FSHR: variants seen among roughly 807,000 people sequenced by gnomAD.
FSHR encodes follicle-stimulating hormone receptor.
A neutral mutation model predicts 52.1 loss-of-function variants in FSHR; 46 were observed. The ratio of observed to expected loss-of-function variants is 0.88; its 90% confidence interval spans 0.70 to 1.13. FSHR has a LOEUF of 1.13. FSHR is among the 50% of genes most tolerant of loss of function. FSHR has a pLI of 0.00. For synonymous variants in FSHR, 399 were observed against 309.6 expected, an observed-to-expected ratio of 1.29 and a Z score of -3.03; for missense variants, 964 against 834.6, an observed-to-expected ratio of 1.16 and a Z score of -1.91.
chr2:49,080,859 G>T (rs1027455986), intron 1 of FSHR, among the ~76,000 whole-genome samples: 6 of 151,930 alleles, frequency 3.9e-5, no homozygotes, highest in African/African-American at 9.7e-5. Flanking sequence ...TCCTTTACAG[G>T]GTTCTTAACA....
rs184902527 is a variant in FSHR at position 48,999,035 on chromosome 2, C to G, written c.375-8398G>C. On this transcript the variant is annotated intron_variant, in intron 4 of 9. Transcript: ENST00000406846. The stretch of plus-strand genomic sequence containing the variant: ...TGCTTTGTTTGTTTGTGTGTTTGTT[C>G]GCTGATGGGGTGAGGAATCAAGATC... Among the ~76,000 whole-genome samples the G allele has an allele frequency of 5.9e-5, 9 of 151,978 alleles. No homozygotes were observed. In the South Asian group the frequency reaches 8.3e-4, roughly 14 times the overall value.
At chr2:48,974,681 A>G (rs1290906665) in intron 8 of FSHR, among the ~76,000 whole-genome samples, 4 of 152,242 alleles carry the variant, frequency 2.6e-5, no homozygotes, top group East Asian at 1.9e-4. Context: ...AAGACTTCCA[A>G]ATTTTGAACT....
At chr2:49,120,794 T>C (rs1671790306) in intron 1 of FSHR, among the ~76,000 whole-genome samples, 1 of 152,236 alleles carries the variant, frequency 6.6e-6, no homozygotes, top group Admixed American at 6.5e-5. Flanking sequence ...GCTTACCACA[T>C]TTGCTGACCT....
At chr2:49,127,880 C>T (rs1484296441) in intron 1 of FSHR, among the ~76,000 whole-genome samples, 30 of 38,916 alleles carry the variant, frequency 7.7e-4, no homozygotes, top group African/African-American at 1.5e-3. Flanking sequence ...TCTTCTTCTT[C>T]TTCTTCTTCT....
At chr2:48,969,408 G>C (rs762762137) in intron 8 of FSHR, among the ~76,000 whole-genome samples, 3 of 152,242 alleles carry the variant, frequency 2.0e-5, no homozygotes, top group Admixed American at 6.5e-5. Flanking sequence ...CCAAGTGGCA[G>C]TACAGAGTGG....
chr2:49,109,914 G>C (rs1454501262), intron 1 of FSHR, among the ~76,000 whole-genome samples: 1 of 152,130 alleles, frequency 6.6e-6, no homozygotes, highest in African/African-American at 2.4e-5. Flanking sequence ...TGGGACTAGA[G>C]ATAAAGAGTA....
At chr2:49,007,190 T>C (rs998839077) in intron 4 of FSHR, among the ~76,000 whole-genome samples, 5 of 152,062 alleles carry the variant, frequency 3.3e-5, no homozygotes, top group African/African-American at 1.2e-4. Flanking sequence ...CCCACCATCA[T>C]AGAGAAGTAA....
chr2:49,059,805 A>T (rs1669217571), intron 2 of FSHR: 2 of 152,166 alleles, frequency 1.3e-5, no homozygotes, highest in Admixed American at 6.6e-5. Context: ...TTGGTTTCGG[A>T]AAAGATTTCA....
intron 1 of FSHR, among the ~76,000 whole-genome samples, chr2:49,076,922 G>A (rs1430212396): frequency 6.6e-6 from 1 of 152,166 alleles, no homozygotes; most frequent in Admixed American, 6.5e-5. Context: ...TAAGAGGTGG[G>A]TTCCATGATC....
chr2:49,020,179 A>G lies in FSHR; in HGVS notation c.225-19T>C, dbSNP rs774975627. The G allele has an allele frequency of 4.4e-6, 7 of 1,596,976 alleles. No individual in the cohort carries two copies. Among genetic ancestry groups the G allele is most frequent in the African/African-American group, 2.7e-5 (2 of 74,666 alleles). On this transcript the variant is annotated intron_variant, in intron 2 of 9. Coordinates refer to ENST00000406846, the MANE Select transcript of FSHR (RefSeq NM_000145.4). ...GATCTCTCTGTGGAGAAAAAAATAT[A>G]TAAGTCAAGCCAGTTCAGTTACACT...
At chr2:49,038,566 A>G (rs1317548773) in intron 2 of FSHR, among the ~76,000 whole-genome samples, 1 of 149,294 alleles carries the variant, frequency 6.7e-6, no homozygotes, top group East Asian at 2.0e-4. Flanking sequence ...CGGAGCTTGC[A>G]GTGAGCCGAG....
chr2:48,985,518 A>C (rs1675461984), intron 6 of FSHR, among the ~76,000 whole-genome samples: 1 of 152,040 alleles, frequency 6.6e-6, no homozygotes, highest in Non-Finnish European at 1.5e-5. Flanking sequence ...ACCAGGGCAC[A>C]GTGCGGGTGC....
At chr2:49,086,075 G>A (rs1201364234) in intron 1 of FSHR, among the ~76,000 whole-genome samples, 1 of 151,916 alleles carries the variant, frequency 6.6e-6, no homozygotes, top group Non-Finnish European at 1.5e-5. Context: ...TAACTAACCT[G>A]CACATTGTGC....
chr2:49,081,284 A>T (rs1264457805), intron 1 of FSHR, among the ~76,000 whole-genome samples: 1 of 152,136 alleles, frequency 6.6e-6, no homozygotes, highest in Non-Finnish European at 1.5e-5. Context: ...GATGATCAAC[A>T]CCAAAATCAG....
At chr2:49,064,192 C>T (rs923221570) in intron 2 of FSHR, among the ~76,000 whole-genome samples, 5 of 151,926 alleles carry the variant, frequency 3.3e-5, no homozygotes, top group African/African-American at 1.2e-4. Flanking sequence ...GAAGAGCATG[C>T]TGGTAAATGG....
At chr2:48,989,961 C>T (rs1301425973) in intron 5 of FSHR, among the ~76,000 whole-genome samples, 3 of 152,148 alleles carry the variant, frequency 2.0e-5, no homozygotes. Context: ...ATATTTTCCT[C>T]TTTCTCTCCT....
At chr2:49,058,529 A>G (rs1669153169) in intron 2 of FSHR, among the ~76,000 whole-genome samples, 1 of 152,136 alleles carries the variant, frequency 6.6e-6, no homozygotes, top group African/African-American at 2.4e-5. Flanking sequence ...TTGGTGACAG[A>G]GCAAGACTCT....
intron 1 of FSHR, among the ~76,000 whole-genome samples, chr2:49,142,873 A>G (rs1672740509): frequency 2.0e-5 from 3 of 152,166 alleles, no homozygotes; most frequent in Admixed American, 6.6e-5. Context: ...GTTTGGTGAC[A>G]TGTGCGTTTA....
chr2:49,127,913 G>A (rs1308461441), intron 1 of FSHR, among the ~76,000 whole-genome samples: 2 of 49,080 alleles, frequency 4.1e-5, no homozygotes, highest in Non-Finnish European at 8.9e-5. Flanking sequence ...TTTTTTTTGA[G>A]ACGGAGTCTT....
Sources: gnomAD v4.1 joint callset for allele counts (sites outside exome capture counted in the v4.1 genomes callset) on GRCh38, gnomAD v4.1.1 for gene constraint, MANE v1.5 for transcripts, NCBI Gene and HGNC (gene_info 2026-07-23, HGNC 2026-07-21) for gene names.